CEP85: variants seen among roughly 807,000 people sequenced by gnomAD.
The protein encoded by CEP85 is centrosomal protein of 85 kDa.
A neutral mutation model predicts 93.7 loss-of-function variants in CEP85; 58 were observed. The observed-to-expected ratio is 0.62, with a 90% CI of 0.50 to 0.77. CEP85 has a LOEUF of 0.77. Ranked by LOEUF, CEP85 falls within the 30% of genes least tolerant of loss-of-function variation. The pLI is 0.00. For missense variants in CEP85, 868 were observed against 922.0 expected (o/e 0.94, Z 0.76); for synonymous variants, 314 against 338.6 (o/e 0.93, Z 0.80).
At chr1:26,246,786 A>G (rs2089516097) in intron 3 of CEP85, among the ~76,000 whole-genome samples, 1 of 152,102 alleles carries the variant, frequency 6.6e-6, no homozygotes, top group African/African-American at 2.4e-5. Flanking sequence ...TTTCTGTAGT[A>G]TGTTACTAGA....
At chr1:26,253,672 G>A (rs2089653408) in intron 3 of CEP85, among the ~76,000 whole-genome samples, 1 of 151,820 alleles carries the variant, frequency 6.6e-6, no homozygotes, top group South Asian at 2.1e-4. Flanking sequence ...TTACAGGCAT[G>A]AGCCACTGCG....
At chr1:26,265,007 T>TTC (rs2089872614) in intron 7 of CEP85, among the ~76,000 whole-genome samples, 1 of 130,222 alleles carries the variant, frequency 7.7e-6, no homozygotes, top group African/African-American at 3.1e-5. Flanking sequence ...TTTTTTTAGA[T>TTC]AGAGTCTCGC....
intron 7 of CEP85, among the ~76,000 whole-genome samples, chr1:26,264,672 G>GTCTT (rs1323618725): frequency 1.3e-5 from 2 of 152,190 alleles, no homozygotes; most frequent in African/African-American, 4.8e-5. Flanking sequence ...ATCTCTGGAT[G>GTCTT]TCTTCTCTCA....
At chr1:26,240,334 G>A (rs1361054365) in intron 2 of CEP85, among the ~76,000 whole-genome samples, 3 of 151,984 alleles carry the variant, frequency 2.0e-5, no homozygotes, top group African/African-American at 4.8e-5. Flanking sequence ...TGTCCATGGC[G>A]GACTGGTTCC....
intron 3 of CEP85, among the ~76,000 whole-genome samples, chr1:26,252,873 T>C (rs1167595694): frequency 6.6e-6 from 1 of 152,196 alleles, no homozygotes; most frequent in East Asian, 1.9e-4. Flanking sequence ...ACCGAAATGT[T>C]TTACCCTTTG....
intron 1 of CEP85, among the ~76,000 whole-genome samples, chr1:26,239,551 C>A (rs2089386843): frequency 6.6e-6 from 1 of 152,102 alleles, no homozygotes; most frequent in African/African-American, 2.4e-5. Flanking sequence ...GGGGTTTCCC[C>A]ATGTTGGTCA....
chr1:26,266,329 G>A (rs2089894974), intron 7 of CEP85, among the ~76,000 whole-genome samples: 1 of 152,320 alleles, frequency 6.6e-6, no homozygotes, highest in East Asian at 1.9e-4. Flanking sequence ...CAAGGCTGCA[G>A]TGGGCTGTGT....
intron 12 of CEP85, among the ~76,000 whole-genome samples, chr1:26,275,283 GTT>G (rs369648487): frequency 6.4e-5 from 9 of 140,626 alleles, no homozygotes; most frequent in Admixed American, 1.4e-4. Flanking sequence ...ACCTAGGAAG[GTT>G]TTTTTTTTTT....
At chr1:26,244,960 C>T (rs1160402482) in intron 3 of CEP85, among the ~76,000 whole-genome samples, 2 of 152,198 alleles carry the variant, frequency 1.3e-5, no homozygotes, top group Non-Finnish European at 2.9e-5. Flanking sequence ...AGTTCAGAGT[C>T]TTCCGTTCTG....
chr1:26,243,606 A>G (rs1448818407), intron 2 of CEP85, among the ~76,000 whole-genome samples: 1 of 152,180 alleles, frequency 6.6e-6, no homozygotes, highest in African/African-American at 2.4e-5. Flanking sequence ...GGCCACTGCT[A>G]TTAAATATGA....
At position 26,269,451 on chromosome 1, in the gene CEP85, GTC is replaced by G. The variant is rs1250404630; in HGVS notation, c.1495-4_1495-3del. The G allele has an allele frequency of 5.6e-6, 9 of 1,612,984 alleles. No individual in the cohort carries two copies. In the Admixed American group the frequency reaches 1.3e-4, roughly 24 times the overall value. On this transcript the variant is annotated splice_polypyrimidine_tract_variant and splice_region_variant and intron_variant, in intron 8 of 13. Transcript: ENST00000451429. Reference sequence around the variant, plus strand: ...TTATTTGACCTAAACATGGGATCCTGTCTCTCAGCTTAAGGATTCTGAGTTGA... The same window carrying G: ...TTATTTGACCTAAACATGGGATCCTGTCTCAGCTTAAGGATTCTGAGTTGA...
intron 3 of CEP85, among the ~76,000 whole-genome samples, chr1:26,248,471 A>G (rs2089545184): frequency 6.6e-6 from 1 of 152,082 alleles, no homozygotes; most frequent in Non-Finnish European, 1.5e-5. Flanking sequence ...GATAGGGGTC[A>G]AAGATATTGG....
chr1:26,269,262 CT>C (rs2124605522), intron 8 of CEP85, 197 bp from the exon 9 acceptor site: 1 of 578,222 alleles, frequency 1.7e-6, no homozygotes, highest in East Asian at 2.9e-5. Flanking sequence ...ATAAGAACTC[CT>C]TCCCCTCCCC....
chr1:26,256,072 A>G (rs917276631), intron 4 of CEP85, among the ~76,000 whole-genome samples: 2 of 152,230 alleles, frequency 1.3e-5, no homozygotes, highest in Non-Finnish European at 2.9e-5. Context: ...CCAAAATAGC[A>G]AAAGGTTACA....
At chr1:26,243,082 G>A (rs888590712) in intron 2 of CEP85, among the ~76,000 whole-genome samples, 4 of 150,886 alleles carry the variant, frequency 2.7e-5, no homozygotes, top group African/African-American at 9.8e-5. Flanking sequence ...GATCTCAATA[G>A]GATTCACCTA....
intron 6 of CEP85, 137 bp downstream of exon 6, chr1:26,258,397 A>G (rs2089754187): frequency 1.5e-6 from 1 of 659,256 alleles, no homozygotes; most frequent in Non-Finnish European, 2.7e-6. Context: ...AGGGCATACT[A>G]ATTATAAAGC....
At chr1:26,274,834 CTAAAATGATTTCTTA>C in intron 11 of CEP85, 115 bp from the exon 12 acceptor site, 1 of 690,788 alleles carries the variant, frequency 1.4e-6, no homozygotes, top group Admixed American at 2.7e-5. Context: ...CAGGACTGTT[CTAAAATGATTTCTTA>C]TGAGGGTGTA....
Position 26,268,516 on chromosome 1 carries a change from A to C in CEP85, c.1375A>C (p.Lys459Gln). ...TCGTGATAAACATATCAATAATTTG[A>C]AAAAGAAATGCCAGAAGGAATCAGA... ...KGRDKHINNL[K>Q]KKCQKESEQN... The change falls in exon 8 of 14, where the codon AAA becomes CAA. Residue 459 changes from lysine to glutamine, a missense_variant. Lys to Gln is a moderately conservative substitution (Grantham distance 53). Coordinates refer to ENST00000451429, the MANE Select transcript of CEP85 (RefSeq NM_001319944.2). 1 of 1,614,152 alleles carries C rather than the reference A, an allele frequency of 6.2e-7. No individual in the cohort carries two copies. The highest frequency in any genetic ancestry group is 8.5e-7 in the Non-Finnish European group (1 of 1,180,006).
intron 10 of CEP85, 138 bp from the exon 11 acceptor site, chr1:26,271,883 A>G (rs1017636510): frequency 5.7e-6 from 4 of 702,154 alleles, no homozygotes; most frequent in African/African-American, 5.3e-5. Flanking sequence ...TCCTATAGGT[A>G]GAGTTCACTA....
Sources: allele counts gnomAD v4.1 joint callset (sites outside exome capture counted in the v4.1 genomes callset), GRCh38; gene constraint gnomAD v4.1.1; transcripts MANE v1.5; gene names NCBI Gene and HGNC (gene_info 2026-07-23, HGNC 2026-07-21).